Variants in ARHGEF28 observed in about 807,000 individuals in gnomAD.
The protein encoded by ARHGEF28 is Rho guanine nucleotide exchange factor 28.
A neutral mutation model predicts 206.6 loss-of-function variants in ARHGEF28; 152 were observed. That is an observed-to-expected ratio of 0.74 (90% CI 0.64 to 0.84). The LOEUF (loss-of-function observed/expected upper bound fraction) is 0.84, where lower values mean the gene tolerates loss of function less well. ARHGEF28 is among the 40% of genes least tolerant of loss of function. The pLI is 0.00. For synonymous variants in ARHGEF28, 763 were observed against 776.4 expected (o/e 0.98, Z 0.29); for missense variants, 2,028 against 2,073.2 (o/e 0.98, Z 0.42).
intron 1 of ARHGEF28, among the ~76,000 whole-genome samples, chr5:73,653,060 A>G (rs1335761831): frequency 6.6e-6 from 1 of 152,214 alleles, no homozygotes; most frequent in Non-Finnish European, 1.5e-5. Flanking sequence ...GCTGTTGGTC[A>G]ATAGCTCTAT....
chr5:73,769,939 C>A (rs868294568), intron 4 of ARHGEF28, among the ~76,000 whole-genome samples: 4 of 152,210 alleles, frequency 2.6e-5, no homozygotes, highest in Non-Finnish European at 5.9e-5. Context: ...TATCAATACG[C>A]CCCACAGAGT....
At chr5:73,738,766 C>T (rs139296950) in intron 2 of ARHGEF28, among the ~76,000 whole-genome samples, 5 of 152,236 alleles carry the variant, frequency 3.3e-5, no homozygotes, top group Admixed American at 1.3e-4. Context: ...TGTTTGTATT[C>T]CTGATAGTCT....
intron 9 of ARHGEF28, among the ~76,000 whole-genome samples, chr5:73,801,836 C>T (rs918634713): frequency 3.3e-5 from 5 of 152,050 alleles, no homozygotes; most frequent in African/African-American, 1.2e-4. Context: ...CCCAAGAAGA[C>T]CACTGGGAAG....
chr5:73,749,271 C>T (rs1039616077), intron 2 of ARHGEF28, among the ~76,000 whole-genome samples: 1 of 152,134 alleles, frequency 6.6e-6, no homozygotes, highest in African/African-American at 2.4e-5. Context: ...CAGGGTGAGG[C>T]CAGAGCTAAG....
chr5:73,852,958 T>C (rs1758795711), intron 14 of ARHGEF28, among the ~76,000 whole-genome samples: 1 of 152,172 alleles, frequency 6.6e-6, no homozygotes, highest in African/African-American at 2.4e-5. Flanking sequence ...AGGGGAGCAG[T>C]GTGAGGGGAC....
At chr5:73,923,153 C>T (rs2111981368) in intron 35 of ARHGEF28, 1 of 1,535,756 alleles carries the variant, frequency 6.5e-7, no homozygotes, top group Admixed American at 2.0e-5. Flanking sequence ...GGAACCACAT[C>T]TACTTTGAAA....
intron 9 of ARHGEF28, among the ~76,000 whole-genome samples, chr5:73,817,128 G>A (rs904284693): frequency 6.6e-6 from 1 of 152,184 alleles, no homozygotes; most frequent in African/African-American, 2.4e-5. Context: ...CCCAGGAAAT[G>A]TTGAAATGTT....
intron 4 of ARHGEF28, among the ~76,000 whole-genome samples, chr5:73,768,025 C>T (rs183711131): frequency 6.6e-6 from 1 of 152,300 alleles, no homozygotes; most frequent in African/African-American, 2.4e-5. Context: ...AAACCTCAAG[C>T]CTTGGCAGCC....
intron 2 of ARHGEF28, among the ~76,000 whole-genome samples, chr5:73,741,773 G>T (rs1249598171): frequency 5.3e-5 from 8 of 151,864 alleles, no homozygotes; most frequent in African/African-American, 1.9e-4. Context: ...TGAATAATGG[G>T]TATCTTTTAC....
chr5:73,649,854 G>A (rs1744686929), intron 1 of ARHGEF28, among the ~76,000 whole-genome samples: 1 of 152,198 alleles, frequency 6.6e-6, no homozygotes, highest in African/African-American at 2.4e-5. Context: ...AAAGAAAGGA[G>A]GCTGGTGGGC....
At chr5:73,857,893 A>G (rs1291116191) in intron 15 of ARHGEF28, 114 bp downstream of exon 15, 5 of 1,403,840 alleles carry the variant, frequency 3.6e-6, no homozygotes, top group Non-Finnish European at 3.8e-6. Flanking sequence ...TTATTTACAC[A>G]TATTTCTTAT....
At chr5:73,858,341 GTT>G (rs1759183103) in intron 16 of ARHGEF28, 122 bp downstream of exon 16, 3 of 1,272,666 alleles carry the variant, frequency 2.4e-6, no homozygotes, top group Non-Finnish European at 3.2e-6. Context: ...TGACTGAACC[GTT>G]TACCAAGCAA....
chr5:73,683,670 G>T (rs779167075), intron 1 of ARHGEF28, among the ~76,000 whole-genome samples: 5 of 151,168 alleles, frequency 3.3e-5, no homozygotes, highest in Non-Finnish European at 5.9e-5. Flanking sequence ...TGGCAGAGAG[G>T]TTGGTTAGCT....
At chr5:73,868,773 A>G (rs2112634507) in intron 20 of ARHGEF28, among the ~76,000 whole-genome samples, 1 of 152,200 alleles carries the variant, frequency 6.6e-6, no homozygotes, top group East Asian at 1.9e-4. Context: ...CAGCCTCCCA[A>G]GTAGCTAGGA....
intron 2 of ARHGEF28, among the ~76,000 whole-genome samples, chr5:73,695,187 G>A (rs1470844787): frequency 6.6e-6 from 1 of 152,074 alleles, no homozygotes; most frequent in Admixed American, 6.5e-5. Flanking sequence ...AGGTGGGAGG[G>A]GCCAGGTCAT....
intron 14 of ARHGEF28, among the ~76,000 whole-genome samples, chr5:73,856,410 C>T (rs977901780): frequency 6.6e-6 from 1 of 152,124 alleles, no homozygotes; most frequent in Admixed American, 6.5e-5. Flanking sequence ...AGTAACAGGA[C>T]ATAACACTGT....
intron 2 of ARHGEF28, among the ~76,000 whole-genome samples, chr5:73,700,327 G>A (rs1260261451): frequency 5.3e-5 from 8 of 152,104 alleles, no homozygotes; most frequent in Admixed American, 5.2e-4. Flanking sequence ...CTGGAGTGGG[G>A]GTGGGGAATA....
chr5:73,774,829 C>A (rs1274008798), intron 5 of ARHGEF28, among the ~76,000 whole-genome samples: 2 of 152,138 alleles, frequency 1.3e-5, no homozygotes, highest in Non-Finnish European at 2.9e-5. Flanking sequence ...AAAATTACAA[C>A]ATGCTACATA....
chr5:73,682,829 A>G (rs1234696870), intron 1 of ARHGEF28, among the ~76,000 whole-genome samples: 1 of 152,216 alleles, frequency 6.6e-6, no homozygotes, highest in Non-Finnish European at 1.5e-5. Context: ...AATCGCCTGA[A>G]CCTGGGAGGC....
Sources: gnomAD v4.1 joint callset for allele counts (sites outside exome capture counted in the v4.1 genomes callset) on GRCh38, gnomAD v4.1.1 for gene constraint, MANE v1.5 for transcripts, NCBI Gene and HGNC (gene_info 2026-07-23, HGNC 2026-07-21) for gene names.